ANP32B: variants seen among roughly 807,000 people sequenced by gnomAD.
ANP32B encodes the protein acidic leucine-rich nuclear phosphoprotein 32 family member B.
ANP32B carries 6 observed loss-of-function variants against 32.2 expected under a neutral mutation model. The ratio of observed to expected loss-of-function variants is 0.19; its 90% CI spans 0.10 to 0.37. The LOEUF (loss-of-function observed/expected upper bound fraction) is 0.37, where lower values mean the gene tolerates loss of function less well. Ranked by LOEUF, ANP32B falls within the 10% of genes least tolerant of loss-of-function variation. The pLI is 1.00. For synonymous variants in ANP32B, 98 were observed against 105.8 expected (o/e 0.93, Z 0.45); for missense variants, 204 against 289.2 (o/e 0.71, Z 2.14).
intron 1 of ANP32B, among the ~76,000 whole-genome samples, chr9:97,986,970 T>A (rs1827747134): frequency 6.6e-6 from 1 of 152,260 alleles, no homozygotes; most frequent in East Asian, 1.9e-4. Flanking sequence ...GGCTTTTTTT[T>A]AATTACTGGG....
intron 3 of ANP32B, among the ~76,000 whole-genome samples, chr9:98,001,233 C>A (rs1336810863): frequency 6.6e-6 from 1 of 151,078 alleles, no homozygotes; most frequent in African/African-American, 2.4e-5. Context: ...GCTCTGTCAC[C>A]CAGGCTGGAG....
rs1431749321 is a variant in ANP32B at position 98,005,039 on chromosome 9, G to A, written c.403G>A (p.Val135Ile). 5.6e-6 allele frequency: 9 copies of A among 1,613,980 alleles called. No homozygotes were observed. In the Admixed American group the frequency reaches 1.5e-4, roughly 27 times the overall value. The change falls in exon 4 of 7, where the codon GTC becomes ATC. Residue 135 changes from valine to isoleucine, a missense_variant. Coordinates refer to ENST00000339399, the MANE Select transcript of ANP32B (RefSeq NM_006401.3). ...VTNLNDYRESVFKLLPQLTYL... is the reference protein window; with the variant it reads ...VTNLNDYRESIFKLLPQLTYL... ...CAACCTGAATGACTACCGAGAGAGT[G>A]TCTTCAAGCTCCTGCCCCAGCTTAC...
At chr9:98,007,524 T>C (rs1044040987) in intron 4 of ANP32B, among the ~76,000 whole-genome samples, 6 of 152,230 alleles carry the variant, frequency 3.9e-5, no homozygotes, top group Non-Finnish European at 7.3e-5. Flanking sequence ...GAGACTATGT[T>C]ATGTGTACTT....
chr9:98,001,818 C>T (rs1371924418), intron 3 of ANP32B, among the ~76,000 whole-genome samples: 2 of 152,056 alleles, frequency 1.3e-5, no homozygotes, highest in African/African-American at 4.8e-5. Context: ...CATACATTTA[C>T]TGGGTGCTTT....
At chr9:98,005,318 G>A in intron 4 of ANP32B, 165 bp downstream of exon 4, 2 of 534,362 alleles carry the variant, frequency 3.7e-6, no homozygotes, top group Non-Finnish European at 3.2e-6. Flanking sequence ...GACTAGCCTG[G>A]GCAACATGGC....
chr9:97,997,016 T>C (rs1270890595), intron 2 of ANP32B, among the ~76,000 whole-genome samples: 1 of 152,234 alleles, frequency 6.6e-6, no homozygotes, highest in Non-Finnish European at 1.5e-5. Flanking sequence ...ATAAATGTTT[T>C]GGTAGACTGC....
rs1288850929 is a variant in ANP32B at position 97,983,516 on chromosome 9, C to T, written c.-40C>T. The stretch of plus-strand genomic sequence containing the variant: ...GACGCCTCTCCCCCCTCCGCCCCCG[C>T]CGCGGAAAGTTAAGTTTGAAGAGGG... On this transcript the variant is annotated 5_prime_UTR_variant, in exon 1 of 7. Transcript: ENST00000339399. 2 of 1,532,922 alleles carry T rather than the reference C, an allele frequency of 1.3e-6. No individual in the cohort carries two copies. The highest frequency in any genetic ancestry group is 2.5e-5 in the East Asian group (1 of 39,656). The allele number at this position is 1,532,922 out of a possible 1,614,324, so 95.0% of individuals were successfully genotyped here. A position where few individuals can be genotyped will look rare whatever the true frequency, so the allele number is the denominator to read the frequency against.
At chr9:97,985,488 C>T (rs191269393) in intron 1 of ANP32B, among the ~76,000 whole-genome samples, 23 of 152,322 alleles carry the variant, frequency 1.5e-4, no homozygotes, top group Admixed American at 1.3e-3. Flanking sequence ...CAGCTCGCGC[C>T]TCAAAACTTG....
At chr9:97,985,313 C>T (rs1240263551) in intron 1 of ANP32B, among the ~76,000 whole-genome samples, 1 of 152,050 alleles carries the variant, frequency 6.6e-6, no homozygotes, top group African/African-American at 2.4e-5. Flanking sequence ...TCTTTGAGGT[C>T]ACCACTAACG....
intron 6 of ANP32B, among the ~76,000 whole-genome samples, chr9:98,014,362 C>G (rs1398589403): frequency 1.3e-5 from 2 of 150,504 alleles, no homozygotes; most frequent in African/African-American, 2.4e-5. Flanking sequence ...GAGCCGAGAT[C>G]AAGCCACTGC....
rs1376990075 is a variant in ANP32B, at chr9:98,015,568, A to G, written c.*137A>G. The G allele has an allele frequency of 1.4e-6, 2 of 1,398,576 alleles. No individual in the cohort carries two copies. Among genetic ancestry groups the G allele is most frequent in the African/African-American group, 2.9e-5 (2 of 68,542 alleles). The allele number at this position is 1,398,576 out of a possible 1,614,324, so 86.6% of individuals were successfully genotyped here. A position where few individuals can be genotyped will look rare whatever the true frequency, so the allele number is the denominator to read the frequency against. On this transcript the variant is annotated 3_prime_UTR_variant, in exon 7 of 7. Transcript: ENST00000339399. ...ACCCACCCACCCAAAGAGCCAAAGA[A>G]TAGTTCCTGTGACATTCCGCCTTCC...
chr9:98,005,815 T>C (rs867732773), intron 4 of ANP32B, among the ~76,000 whole-genome samples: 4 of 152,144 alleles, frequency 2.6e-5, no homozygotes, highest in African/African-American at 9.7e-5. Flanking sequence ...CACTCTGCTG[T>C]TCTTAAGTCT....
chr9:97,994,585 T>C, intron 1 of ANP32B, 46 bp from the exon 2 acceptor site: 1 of 1,566,572 alleles, frequency 6.4e-7, no homozygotes, highest in Non-Finnish European at 8.6e-7. Context: ...TTGTTTGTTT[T>C]CAATGTGTTT....
chr9:98,011,571 G>A lies in ANP32B; in HGVS notation c.636+182G>A, dbSNP rs78799319. On this transcript the variant is annotated intron_variant, in intron 5 of 6. Coordinates refer to ENST00000339399, the MANE Select transcript of ANP32B (RefSeq NM_006401.3). ...TCTGGCTTTAAATAACTACTAAATA[G>A]AATGCCTACTGAACTCAAACTAGTA... Among the ~76,000 whole-genome samples the A allele has an allele frequency of 4.0e-3, 609 of 152,300 alleles. 3 individuals are homozygous for A. Among genetic ancestry groups the A allele is most frequent in the African/African-American group, 0.013 (559 of 41,564 alleles).
At position 98,015,857 on chromosome 9, in the gene ANP32B, T is replaced by A. The variant is rs952787113; in HGVS notation, c.*426T>A. 6.3e-5 allele frequency: 61 copies of A among 962,734 alleles called. No homozygotes were observed. The highest frequency in any genetic ancestry group is 6.9e-5 in the Non-Finnish European group (56 of 809,124). 59.6% of individuals were successfully genotyped at this position (962,734 alleles called of 1,614,324 possible). ...TTGCTTTTTAATTATTATTATTATT[T>A]TTTTTACATTAGGACATTTTATGTG... On this transcript the variant is annotated 3_prime_UTR_variant, in exon 7 of 7. Transcript: ENST00000339399.
At chr9:97,993,678 C>T (rs1197401696) in intron 1 of ANP32B, among the ~76,000 whole-genome samples, 9 of 152,184 alleles carry the variant, frequency 5.9e-5, no homozygotes, top group Non-Finnish European at 1.0e-4. Flanking sequence ...CTCTGTTGCC[C>T]AGGCTGGAGT....
intron 6 of ANP32B, among the ~76,000 whole-genome samples, chr9:98,013,846 ACT>A (rs889121351): frequency 4.0e-5 from 6 of 150,650 alleles, no homozygotes; most frequent in Non-Finnish European, 7.4e-5. Context: ...ACAGAGCAAG[ACT>A]CTGTCTCAAA....
chr9:97,990,656 C>G (rs1827807919), intron 1 of ANP32B, among the ~76,000 whole-genome samples: 1 of 152,138 alleles, frequency 6.6e-6, no homozygotes, highest in African/African-American at 2.4e-5. Context: ...AATTAAAGGT[C>G]TCAGGTATTC....
chr9:97,999,750 G>A (rs1419764367), intron 3 of ANP32B, among the ~76,000 whole-genome samples: 1 of 152,182 alleles, frequency 6.6e-6, no homozygotes, highest in African/African-American at 2.4e-5. Flanking sequence ...TGTCCAGTTT[G>A]TGTAAGTTGT....
Sources: gnomAD v4.1 joint callset for allele counts (sites outside exome capture counted in the v4.1 genomes callset) on GRCh38, gnomAD v4.1.1 for gene constraint, MANE v1.5 for transcripts, NCBI Gene and HGNC (gene_info 2026-07-23, HGNC 2026-07-21) for gene names.